JAM3: variants seen among roughly 807,000 people sequenced by gnomAD.
JAM3 encodes junctional adhesion molecule C.
A neutral mutation model predicts 39.4 loss-of-function variants in JAM3; 31 were observed. That is an observed-to-expected ratio of 0.79 (90% CI 0.59 to 1.06). The LOEUF (loss-of-function observed/expected upper bound fraction) is 1.06. JAM3 is among the 50% of genes least tolerant of loss of function. The pLI is 0.00. For missense variants in JAM3, 455 were observed against 391.4 expected, an observed-to-expected ratio of 1.16 and a Z score of -1.37; for synonymous variants, 182 against 148.7, an observed-to-expected ratio of 1.22 and a Z score of -1.63.
chr11:134,109,123 G>A (rs558207251), intron 1 of JAM3, among the ~76,000 whole-genome samples: 115 of 152,036 alleles, frequency 7.6e-4, no homozygotes, highest in African/African-American at 2.6e-3. Flanking sequence ...CACCACCCCC[G>A]GCTAATTTTT....
chr11:134,069,291 C>G (rs1941447893), intron 1 of JAM3, 132 bp downstream of exon 1: 2 of 1,259,932 alleles, frequency 1.6e-6, no homozygotes, highest in South Asian at 2.7e-5. Flanking sequence ...GGTCCCGGGC[C>G]GGAGGGGCGG....
At chr11:134,086,839 G>A (rs189587161) in intron 1 of JAM3, among the ~76,000 whole-genome samples, 181 of 151,886 alleles carry the variant, frequency 1.2e-3, no homozygotes, top group African/African-American at 4.0e-3. Flanking sequence ...TTTTTGATGC[G>A]GGGTCTTGCT....
chr11:134,073,150 G>T (rs761262647), intron 1 of JAM3, among the ~76,000 whole-genome samples: 1 of 152,200 alleles, frequency 6.6e-6, no homozygotes, highest in African/African-American at 2.4e-5. Flanking sequence ...TTAATTGACT[G>T]TCTCTCTGCT....
chr11:134,089,266 T>G (rs976373088), intron 1 of JAM3, among the ~76,000 whole-genome samples: 4 of 152,226 alleles, frequency 2.6e-5, no homozygotes, highest in African/African-American at 9.6e-5. Context: ...TGTTTGGTTG[T>G]TTAATTCCAT....
At position 134,140,693 on chromosome 11, in the gene JAM3, C is replaced by A; in HGVS notation, c.179C>A (p.Thr60Lys). ...TCTTGCATCATTACGGATTCGCAGA[C>A]AAGTGACCCCAGGATCGAGTGGAAG... ...ELSCIITDSQ[T>K]SDPRIEWKKI... The change falls in exon 3 of 9, where the codon ACA (threonine) becomes AAA (lysine). Residue 60 changes from threonine to lysine, a missense_variant. Physicochemically the swap from Thr to Lys is moderately conservative, Grantham distance 78 (BLOSUM62 -1). Coordinates refer to ENST00000299106, the MANE Select transcript of JAM3 (RefSeq NM_032801.5). 1 of 1,613,730 alleles carries A rather than the reference C, an allele frequency of 6.2e-7. No individual in the cohort carries two copies. The highest frequency in any genetic ancestry group is 8.5e-7 in the Non-Finnish European group (1 of 1,179,878).
At chr11:134,107,035 A>T (rs1448889976) in intron 1 of JAM3, among the ~76,000 whole-genome samples, 1 of 152,234 alleles carries the variant, frequency 6.6e-6, no homozygotes, top group Non-Finnish European at 1.5e-5. Context: ...ATGCACACGT[A>T]TGTGTATTGT....
chr11:134,147,472 AAAAAAAC>A (rs1565507034), intron 6 of JAM3, among the ~76,000 whole-genome samples: 3 of 150,952 alleles, frequency 2.0e-5, no homozygotes, highest in Admixed American at 1.3e-4. Flanking sequence ...AAAAAAAAAA[AAAAAAAC>A]GATTGCAAGT....
chr11:134,102,431 G>T (rs1347660734), intron 1 of JAM3, among the ~76,000 whole-genome samples: 2 of 152,182 alleles, frequency 1.3e-5, no homozygotes, highest in Non-Finnish European at 2.9e-5. Context: ...GAGCAGAAAA[G>T]CTGAAAATTC....
intron 1 of JAM3, among the ~76,000 whole-genome samples, chr11:134,114,489 G>C (rs1942382731): frequency 6.6e-6 from 1 of 152,158 alleles, no homozygotes; most frequent in Non-Finnish European, 1.5e-5. Context: ...AGATCAGATG[G>C]TTGTAGATGT....
chr11:134,128,082 A>G (rs1942687053), intron 1 of JAM3, among the ~76,000 whole-genome samples: 1 of 151,978 alleles, frequency 6.6e-6, no homozygotes, highest in South Asian at 2.1e-4. Flanking sequence ...AAAAAAAAGG[A>G]AAAGAAAGAA....
chr11:134,094,436 T>G (rs911270362), intron 1 of JAM3, among the ~76,000 whole-genome samples: 2 of 137,422 alleles, frequency 1.5e-5, no homozygotes, highest in Non-Finnish European at 3.2e-5. Flanking sequence ...GAGGAAAGCT[T>G]CTCCTGAACC....
At chr11:134,114,543 ATCTC>A (rs2120742875) in intron 1 of JAM3, among the ~76,000 whole-genome samples, 1 of 152,224 alleles carries the variant, frequency 6.6e-6, no homozygotes, top group African/African-American at 2.4e-5. Context: ...ATTGGTCTCT[ATCTC>A]TCTTTTGGTA....
chr11:134,073,339 G>C, intron 1 of JAM3, among the ~76,000 whole-genome samples: 1 of 152,202 alleles, frequency 6.6e-6, no homozygotes, highest in East Asian at 1.9e-4. Context: ...AGTGCTGCTT[G>C]TATAAAGACA....
At chr11:134,147,633 C>T (rs1392807214) in intron 6 of JAM3, among the ~76,000 whole-genome samples, 7 of 151,814 alleles carry the variant, frequency 4.6e-5, no homozygotes, top group African/African-American at 1.4e-4. Flanking sequence ...ACTACAGGCA[C>T]CTGCCAACAC....
Position 134,148,818 on chromosome 11 carries a change from G to A in JAM3, c.897G>A (p.Glu299=), listed in dbSNP as rs1194172974. The A allele has an allele frequency of 6.2e-7, 1 of 1,614,008 alleles. No homozygotes were observed. Among genetic ancestry groups the A allele is most frequent in the Non-Finnish European group, 8.5e-7 (1 of 1,179,936 alleles). Residue 299 remains glutamate (E), a splice_region_variant and synonymous_variant, in exon 8 of 9, where the codon GAG becomes GAA. Coordinates refer to ENST00000299106, the MANE Select transcript of JAM3 (RefSeq NM_032801.5). ...TTAACTACATCCGCACTGACGAGGA[G>A]GTAATCATTTAGTAAACCTGGAAAC... ...DGVNYIRTDE[E]GDFRHKSSFV...
intron 1 of JAM3, among the ~76,000 whole-genome samples, chr11:134,077,956 A>G (rs1941601384): frequency 6.6e-6 from 1 of 151,472 alleles, no homozygotes; most frequent in Non-Finnish European, 1.5e-5. Flanking sequence ...CCGGCCAAGG[A>G]TGCTTTTTCT....
rs371561119 is a variant in JAM3, at chr11:134,107,326, C to T, written c.77-32525C>T. Among the ~76,000 whole-genome samples the T allele has an allele frequency of 1.5e-4, 23 of 152,066 alleles. No homozygotes were observed. The Middle Eastern group carries it at 0.01, about 67-fold the overall frequency. On this transcript the variant is annotated intron_variant, in intron 1 of 8. Transcript: ENST00000299106. The stretch of plus-strand genomic sequence containing the variant: ...GAAGGGGAACATCACACACCAGGAC[C>T]TGTTGTGGGGTTGGGAGAGGGGGGA...
chr11:134,071,287 TATGGAG>T (rs1941481517), intron 1 of JAM3, among the ~76,000 whole-genome samples: 1 of 152,188 alleles, frequency 6.6e-6, no homozygotes, highest in Non-Finnish European at 1.5e-5. Flanking sequence ...GGAACAGAAG[TATGGAG>T]AGATTCAGAC....
intron 1 of JAM3, among the ~76,000 whole-genome samples, chr11:134,125,087 T>C (rs1489359682): frequency 6.6e-6 from 1 of 152,140 alleles, no homozygotes; most frequent in Non-Finnish European, 1.5e-5. Context: ...CGCTGCCCTG[T>C]GGTGTCGCCT....
Sources: gnomAD v4.1 joint callset for allele counts (sites outside exome capture counted in the v4.1 genomes callset) on GRCh38, gnomAD v4.1.1 for gene constraint, MANE v1.5 for transcripts, NCBI Gene and HGNC (gene_info 2026-07-23, HGNC 2026-07-21) for gene names.